DIAPH3: variants seen among roughly 807,000 people sequenced by gnomAD.
The protein encoded by DIAPH3 is protein diaphanous homolog 3.
Under a neutral mutation model 144.3 loss-of-function variants are expected in DIAPH3, and 117 were observed. The ratio of observed to expected loss-of-function variants is 0.81; its 90% CI spans 0.70 to 0.95. The LOEUF (loss-of-function observed/expected upper bound fraction) is 0.95. DIAPH3 is among the 40% of genes least tolerant of loss of function. The pLI is 0.00. For missense variants in DIAPH3, 1,421 were observed against 1,412.7 expected (o/e 1.01, Z -0.09); for synonymous variants, 519 against 488.9 (o/e 1.06, Z -0.81).
intron 4 of DIAPH3, among the ~76,000 whole-genome samples, chr13:60,044,743 T>C (rs1046738173): frequency 1.9e-4 from 29 of 152,274 alleles, no homozygotes; most frequent in African/African-American, 7.0e-4. Flanking sequence ...TATGATATGG[T>C]TTGGCTGTGT....
chr13:60,094,536 G>A lies in DIAPH3; in HGVS notation c.391-804C>T, dbSNP rs142622075. Among the ~76,000 whole-genome samples the A allele has an allele frequency of 5.9e-5, 9 of 152,296 alleles. No individual in the cohort carries two copies. The East Asian group carries it at 1.4e-3, about 23-fold the overall frequency. ...CAGAAATGGCTAAAGGAGAAGGGCA[G>A]CTCAAATGAATTTCCTCGTGAACTT... is the stretch of plus-strand genomic sequence containing the variant. On this transcript the variant is annotated intron_variant, in intron 3 of 27. Coordinates refer to ENST00000400324, the MANE Select transcript of DIAPH3 (RefSeq NM_001042517.2).
At chr13:59,804,733 C>G (rs921848398) in intron 25 of DIAPH3, among the ~76,000 whole-genome samples, 1 of 152,030 alleles carries the variant, frequency 6.6e-6, no homozygotes, top group African/African-American at 2.4e-5. Flanking sequence ...TTTATATGCA[C>G]CAATTGCCAA....
intron 5 of DIAPH3, among the ~76,000 whole-genome samples, chr13:60,028,706 G>T (rs2054562678): frequency 6.6e-6 from 1 of 152,090 alleles, no homozygotes; most frequent in Non-Finnish European, 1.5e-5. Context: ...ACATCTAGGG[G>T]TTTGCTTGAT....
At chr13:59,675,690 T>C (rs978980978) in intron 27 of DIAPH3, among the ~76,000 whole-genome samples, 2 of 152,188 alleles carry the variant, frequency 1.3e-5, no homozygotes, top group Admixed American at 1.3e-4. Context: ...AACAAGCCCA[T>C]TTTGTAGATA....
chr13:59,723,460 T>A (rs949258953), intron 27 of DIAPH3, among the ~76,000 whole-genome samples: 13 of 149,838 alleles, frequency 8.7e-5, no homozygotes, highest in East Asian at 1.9e-4. Context: ...AACTATATAT[T>A]GTGTGTGTGT....
intron 5 of DIAPH3, among the ~76,000 whole-genome samples, chr13:60,040,205 C>T (rs1407404187): frequency 2.3e-5 from 2 of 88,338 alleles, no homozygotes; most frequent in African/African-American, 9.1e-5. Context: ...CCAGCCTGGG[C>T]AAAAGAGTGA....
intron 17 of DIAPH3, among the ~76,000 whole-genome samples, chr13:59,930,486 G>T (rs1212590608): frequency 6.6e-6 from 1 of 152,074 alleles, no homozygotes; most frequent in East Asian, 1.9e-4. Context: ...AGAAGGTGGG[G>T]GTATGTGGGA....
chr13:59,779,426 G>C (rs2038611474), intron 25 of DIAPH3, among the ~76,000 whole-genome samples: 1 of 151,956 alleles, frequency 6.6e-6, no homozygotes, highest in South Asian at 2.1e-4. Context: ...AAAATCCATG[G>C]TAAATTACAG....
At chr13:59,971,597 T>A (rs1389375363) in intron 15 of DIAPH3, among the ~76,000 whole-genome samples, 1 of 152,014 alleles carries the variant, frequency 6.6e-6, no homozygotes, top group African/African-American at 2.4e-5. Context: ...AAGTGATAAG[T>A]AAGAAATAAG....
chr13:59,780,363 A>C (rs2139323528), intron 25 of DIAPH3, among the ~76,000 whole-genome samples: 1 of 152,346 alleles, frequency 6.6e-6, no homozygotes, highest in South Asian at 2.1e-4. Flanking sequence ...GAATAAAAAC[A>C]AAAAATGAGG....
chr13:59,797,980 C>T (rs1566324123), intron 25 of DIAPH3, among the ~76,000 whole-genome samples: 1 of 152,046 alleles, frequency 6.6e-6, no homozygotes, highest in Non-Finnish European at 1.5e-5. Context: ...AAAAAACACT[C>T]CCAAGATTAA....
At chr13:59,842,803 G>A (rs1203946455) in intron 22 of DIAPH3, among the ~76,000 whole-genome samples, 3 of 152,068 alleles carry the variant, frequency 2.0e-5, no homozygotes, top group Non-Finnish European at 2.9e-5. Flanking sequence ...ACAACCAAAC[G>A]GAAGAGAGGT....
At position 59,988,294 on chromosome 13, in the gene DIAPH3, C is replaced by T. The variant is rs73212286; in HGVS notation, c.1361+2864G>A. On this transcript the variant is annotated intron_variant, in intron 12 of 27. Coordinates refer to ENST00000400324, the MANE Select transcript of DIAPH3 (RefSeq NM_001042517.2). ...TTCTGCCATAATAACCACATTTACA[C>T]GTGGTACATACATTTAAACACATTT... Among the ~76,000 whole-genome samples the T allele has an allele frequency of 2.5e-3, 380 of 151,912 alleles. 2 individuals are homozygous for T. The highest frequency in any genetic ancestry group is 4.2e-3 in the Non-Finnish European group (283 of 67,858).
chr13:59,990,761 A>T (rs115565535), intron 12 of DIAPH3, among the ~76,000 whole-genome samples: 405 of 152,124 alleles, frequency 2.7e-3, no homozygotes, highest in African/African-American at 9.0e-3. Flanking sequence ...CAACTGTATT[A>T]TTAAGACTTG....
chr13:59,717,168 C>T (rs1278506477), intron 27 of DIAPH3, among the ~76,000 whole-genome samples: 1 of 151,974 alleles, frequency 6.6e-6, no homozygotes, highest in Non-Finnish European at 1.5e-5. Flanking sequence ...AGTAAGTTAA[C>T]GAAACCTTAG....
intron 3 of DIAPH3, among the ~76,000 whole-genome samples, chr13:60,107,719 AAGAAT>A (rs2058460251): frequency 6.6e-6 from 1 of 152,210 alleles, no homozygotes; most frequent in South Asian, 2.1e-4. Flanking sequence ...TTCCCAGTAA[AAGAAT>A]AGAACATCAC....
chr13:60,135,131 G>A (rs1406464250), intron 1 of DIAPH3, among the ~76,000 whole-genome samples: 1 of 151,690 alleles, frequency 6.6e-6, no homozygotes, highest in East Asian at 1.9e-4. Context: ...ACTGTCAAAG[G>A]TCTAAAATTA....
At chr13:60,151,793 G>A (rs559757565) in intron 1 of DIAPH3, among the ~76,000 whole-genome samples, 10 of 152,232 alleles carry the variant, frequency 6.6e-5, no homozygotes, top group African/African-American at 2.2e-4. Context: ...TTAGAACATG[G>A]TTTTAATTGG....
In DIAPH3 at chr13:59,992,176, C is replaced by T. The variant is rs1442034566; in HGVS notation, c.1136G>A (p.Cys379Tyr). The T allele has an allele frequency of 6.2e-7, 1 of 1,607,490 alleles. No individual in the cohort carries two copies. The highest frequency in any genetic ancestry group is 8.5e-7 in the Non-Finnish European group (1 of 1,175,090). ...GLKEILPNLKCIKNDGLDIQL... is the reference protein window; with the variant it reads ...GLKEILPNLKYIKNDGLDIQL... ...GATATCCAGGCCATCATTCTTAATG[C>T]ATTTTAAATTCTAGAGATATGAAAT... The change falls in exon 11 of 28, where the codon TGC becomes TAC. Residue 379 changes from cysteine (C) to tyrosine (Y), a missense_variant. Transcript: ENST00000400324.
Sources: gnomAD v4.1 joint callset for allele counts (sites outside exome capture counted in the v4.1 genomes callset) on GRCh38, gnomAD v4.1.1 for gene constraint, MANE v1.5 for transcripts, NCBI Gene and HGNC (gene_info 2026-07-23, HGNC 2026-07-21) for gene names.